Variants in HM13 observed in about 807,000 individuals in gnomAD.
The protein encoded by HM13 is signal peptide peptidase.
HM13 carries 18 observed loss-of-function variants against 50.0 expected under a neutral mutation model. The observed-to-expected ratio is 0.36, with a 90% CI of 0.25 to 0.53. The LOEUF is 0.53. Among genes scored for constraint, HM13 ranks in the 20% least tolerant of loss-of-function variants. The pLI is 0.90. For missense variants in HM13, 393 were observed against 552.4 expected, an observed-to-expected ratio of 0.71 and a Z score of 2.89; for synonymous variants, 197 against 232.6, an observed-to-expected ratio of 0.85 and a Z score of 1.39.
intron 3 of HM13, chr20:31,538,580 G>A (rs1484819202): frequency 2.6e-5 from 34 of 1,296,756 alleles, no homozygotes; most frequent in African/African-American, 1.2e-4. Context: ...ACCACCTGCC[G>A]GGTGTTGTGG....
intron 12 of HM13, 95 bp downstream of exon 12, chr20:31,568,319 A>G (rs1985050473): frequency 2.7e-6 from 4 of 1,473,844 alleles, no homozygotes; most frequent in Non-Finnish European, 3.6e-6. Flanking sequence ...TAGGGCAGGG[A>G]CCATTGCCAG....
At chr20:31,526,529 A>G (rs1024291468) in intron 1 of HM13, among the ~76,000 whole-genome samples, 4 of 152,058 alleles carry the variant, frequency 2.6e-5, no homozygotes, top group African/African-American at 9.7e-5. Flanking sequence ...ATTCTTTTCC[A>G]TTTTTATAAT....
intron 3 of HM13, chr20:31,538,787 G>C: frequency 2.6e-6 from 1 of 377,836 alleles, no homozygotes; most frequent in Non-Finnish European, 3.7e-6. Flanking sequence ...ATTTCCTGGT[G>C]AATGTGGAGA....
intron 8 of HM13, among the ~76,000 whole-genome samples, chr20:31,556,975 C>T (rs1984344165): frequency 1.4e-5 from 2 of 148,020 alleles, no homozygotes; most frequent in South Asian, 2.1e-4. Context: ...GCCAAGATTG[C>T]ACCACTGCAC....
chr20:31,529,594 A>G (rs1040218770), intron 2 of HM13, among the ~76,000 whole-genome samples: 19 of 152,040 alleles, frequency 1.2e-4, no homozygotes, highest in Non-Finnish European at 5.9e-5. Context: ...GGTCATTGAA[A>G]ATTCCTCAAG....
At chr20:31,548,302 A>C (rs772654779) in intron 4 of HM13, 44 of 396,728 alleles carry the variant, frequency 1.1e-4, no homozygotes, top group Non-Finnish European at 1.9e-4. Context: ...CTCCCGGCAA[A>C]CTCCACAGCC....
rs1985038170 is a variant in HM13, at chr20:31,568,189, C to T, written c.1146C>T (p.Gly382=). The change falls in exon 12 of 13, where the codon GGC becomes GGT. Residue 382 remains glycine, a synonymous_variant. Coordinates refer to ENST00000398174, the MANE Select transcript of HM13 (RefSeq NM_178581.3). The stretch of plus-strand genomic sequence containing the variant: ...ACTCCATGCAGCAGAAGCTAGCTGG[C>T]CCTCGCCGCCGGCGCCCGCAGAATC... ...LADSMQQKLA[G]PRRRRPQNPS... is the part of the protein sequence containing the mutation. The T allele has an allele frequency of 6.2e-7, 1 of 1,612,874 alleles. No homozygotes were observed. Among genetic ancestry groups the T allele is most frequent in the African/African-American group, 1.3e-5 (1 of 74,944 alleles).
chr20:31,544,288 G>A (rs1321675239), intron 3 of HM13, among the ~76,000 whole-genome samples: 1 of 152,250 alleles, frequency 6.6e-6, no homozygotes, highest in African/African-American at 2.4e-5. Context: ...AAAGGTCTCT[G>A]CTTCCTTCCT....
intron 2 of HM13, among the ~76,000 whole-genome samples, chr20:31,536,035 A>G (rs927641143): frequency 1.3e-5 from 2 of 151,842 alleles, no homozygotes; most frequent in African/African-American, 4.8e-5. Flanking sequence ...CCTTGTATCC[A>G]GCCCCTTCAC....
At chr20:31,527,775 A>G (rs1008362585) in intron 2 of HM13, 193 bp downstream of exon 2, 2 of 540,162 alleles carry the variant, frequency 3.7e-6, no homozygotes, top group African/African-American at 3.9e-5. Context: ...ACTAGTCCGT[A>G]TTTCTTTTCT....
At chr20:31,524,292 A>G (rs997802981) in intron 1 of HM13, among the ~76,000 whole-genome samples, 12 of 152,092 alleles carry the variant, frequency 7.9e-5, no homozygotes, top group Non-Finnish European at 1.8e-4. Context: ...GTGAGGCTAG[A>G]GATTGTCCTC....
chr20:31,558,298 T>C (rs1208156827), intron 8 of HM13, among the ~76,000 whole-genome samples: 1 of 152,048 alleles, frequency 6.6e-6, no homozygotes, highest in Non-Finnish European at 1.5e-5. Context: ...TTGCCCCTCC[T>C]CCTCCCCCCT....
At chr20:31,518,028 T>C (rs6088451) in intron 1 of HM13, among the ~76,000 whole-genome samples, 46,402 of 150,568 alleles carry the variant, frequency 0.31, 11,935 homozygotes, top group African/African-American at 0.71. Context: ...CATATTTCTC[T>C]ACAACTTGAT....
At chr20:31,533,877 GT>G (rs1982961584) in intron 2 of HM13, among the ~76,000 whole-genome samples, 1 of 152,180 alleles carries the variant, frequency 6.6e-6, no homozygotes, top group East Asian at 1.9e-4. Context: ...CCCTTGTGAG[GT>G]TTTTTTGTCC....
chr20:31,544,908 G>A (rs757221743), intron 3 of HM13, 39 bp from the exon 4 acceptor site: 1 of 1,563,890 alleles, frequency 6.4e-7, no homozygotes, highest in Non-Finnish European at 8.8e-7. Context: ...ACTGCCCATG[G>A]GGGCTCTGTT....
intron 2 of HM13, among the ~76,000 whole-genome samples, chr20:31,531,039 T>C (rs879154186): frequency 1.3e-5 from 2 of 152,124 alleles, no homozygotes; most frequent in Admixed American, 1.3e-4. Flanking sequence ...TGTGAGTGAA[T>C]TAAAAAGATT....
intron 6 of HM13, 47 bp from the exon 7 acceptor site, chr20:31,550,017 C>A (rs374464375): frequency 2.5e-5 from 35 of 1,408,776 alleles, no homozygotes; most frequent in African/African-American, 1.6e-4. Flanking sequence ...TTCTTCCCCC[C>A]ACAGCCCCTC....
In HM13 at chr20:31,551,518, T is replaced by A. The variant is rs561119895; in HGVS notation, c.724+1397T>A. On this transcript the variant is annotated intron_variant, in intron 7 of 12. Coordinates refer to ENST00000398174, the MANE Select transcript of HM13 (RefSeq NM_178581.3). Reference sequence around the variant, plus strand: ...CAAAACTGTGTCACAGGCCCAAGTCTAAACCATTCACCAGTGAGGGGGATA... The same window carrying A: ...CAAAACTGTGTCACAGGCCCAAGTCAAAACCATTCACCAGTGAGGGGGATA... Among the ~76,000 whole-genome samples the A allele has an allele frequency of 1.5e-4, 23 of 152,352 alleles. No individual in the cohort carries two copies. The South Asian group carries it at 4.6e-3, about 30-fold the overall frequency.
intron 1 of HM13, among the ~76,000 whole-genome samples, chr20:31,523,135 C>T (rs936146860): frequency 6.6e-6 from 1 of 151,820 alleles, no homozygotes; most frequent in Non-Finnish European, 1.5e-5. Flanking sequence ...ACTACGGCCT[C>T]CACCTCCCGG....
Sources: gnomAD v4.1 joint callset for allele counts (sites outside exome capture counted in the v4.1 genomes callset) on GRCh38, gnomAD v4.1.1 for gene constraint, MANE v1.5 for transcripts, NCBI Gene and HGNC (gene_info 2026-07-23, HGNC 2026-07-21) for gene names.